HS6ST2: variants seen among roughly 807,000 people sequenced by gnomAD.
HS6ST2 encodes the protein heparan sulfate 6-O-sulfotransferase 2.
Under a neutral mutation model 33.0 loss-of-function variants are expected in HS6ST2, and 17 were observed. The observed-to-expected ratio is 0.52, with a 90% confidence interval of 0.35 to 0.77. HS6ST2 has a LOEUF of 0.77. HS6ST2 is among the 30% of genes least tolerant of loss of function. The pLI, the probability that HS6ST2 is intolerant of heterozygous loss-of-function variation, is 0.01. For missense variants in HS6ST2, 519 were observed against 551.7 expected (o/e 0.94, Z 0.59); for synonymous variants, 248 against 237.1 (o/e 1.05, Z -0.42).
chrX:132,661,404 A>C (rs767839576), intron 4 of HS6ST2, among the ~76,000 whole-genome samples: 1 of 111,508 alleles, frequency 9.0e-6, no homozygotes, highest in East Asian at 2.8e-4. Context: ...GTTATCTATT[A>C]GAAATAATCA....
intron 2 of HS6ST2, among the ~76,000 whole-genome samples, chrX:132,754,594 T>C (rs1174661339): frequency 9.1e-6 from 1 of 109,656 alleles, no homozygotes; most frequent in African/African-American, 3.3e-5. Flanking sequence ...TTTTTTTATA[T>C]TTTTAGTAGA....
At chrX:132,641,476 C>T (rs1375114677) in intron 4 of HS6ST2, among the ~76,000 whole-genome samples, 1 of 112,560 alleles carries the variant, frequency 8.9e-6, no homozygotes, top group Non-Finnish European at 1.9e-5. Flanking sequence ...TGCATTAATT[C>T]GCTTACGTTT....
At chrX:132,705,186 C>CGT (rs780815738) in intron 3 of HS6ST2, among the ~76,000 whole-genome samples, 36,750 of 80,812 alleles carry the variant, frequency 0.45, 4,911 homozygotes, top group Middle Eastern at 0.51. Context: ...GATGTGGGCA[C>CGT]GCGTGTGTGT....
intron 2 of HS6ST2, among the ~76,000 whole-genome samples, chrX:132,853,449 G>A (rs374327821): frequency 2.5e-4 from 27 of 108,926 alleles, no homozygotes; most frequent in Non-Finnish European, 4.8e-4. Flanking sequence ...GTCAGCCACC[G>A]CACCCCACCC....
At chrX:132,929,672 C>T (rs1315862935) in intron 2 of HS6ST2, among the ~76,000 whole-genome samples, 1 of 111,553 alleles carries the variant, frequency 9.0e-6, no homozygotes, top group Non-Finnish European at 1.9e-5. Context: ...CACAGCCATT[C>T]TAAATGTGTG....
chrX:132,837,430 C>T (rs1172044107), intron 2 of HS6ST2, among the ~76,000 whole-genome samples: 1 of 111,088 alleles, frequency 9.0e-6, no homozygotes, highest in Non-Finnish European at 1.9e-5. Flanking sequence ...TCATAAATGG[C>T]CTTGTGACTT....
intron 4 of HS6ST2, among the ~76,000 whole-genome samples, chrX:132,658,243 T>C (rs2063745373): frequency 9.0e-6 from 1 of 111,711 alleles, no homozygotes; most frequent in African/African-American, 3.3e-5. Context: ...AAGCTACTGA[T>C]GAACTCTCCC....
At chrX:132,695,362 G>A (rs1256170299) in intron 3 of HS6ST2, among the ~76,000 whole-genome samples, 1 of 111,860 alleles carries the variant, frequency 8.9e-6, no homozygotes, top group African/African-American at 3.3e-5. Flanking sequence ...AATTTTGATG[G>A]AGTTGCTTTT....
rs1026979152 is a variant in HS6ST2 at position 132,638,233 on chromosome X, G to A, written c.1068-9140C>T. 5.4e-4 allele frequency among the ~76,000 whole-genome samples: 59 copies of A among 108,680 alleles called. 1 individual carries two copies. The highest frequency in any genetic ancestry group is 1.9e-3 in the African/African-American group (58 of 29,868). 94.4% of individuals were successfully genotyped at this position (108,680 alleles called of 115,157 possible). On this transcript the variant is annotated intron_variant, in intron 4 of 4. Transcript: ENST00000370833. Reference sequence around the variant, plus strand: ...CGTTCAAATCAAACAATATTAATATGTGAGCACAAACTAAATAAAAGTATG... The same window carrying A: ...CGTTCAAATCAAACAATATTAATATATGAGCACAAACTAAATAAAAGTATG...
intron 4 of HS6ST2, among the ~76,000 whole-genome samples, chrX:132,637,139 C>CCATCAG (rs1290793479): frequency 3.6e-4 from 40 of 112,334 alleles, no homozygotes; most frequent in South Asian, 1.1e-3. Flanking sequence ...GAGCCCAGAA[C>CCATCAG]CATCAGCATC....
At chrX:132,909,970 T>C (rs1202433263) in intron 2 of HS6ST2, among the ~76,000 whole-genome samples, 2 of 107,806 alleles carry the variant, frequency 1.9e-5, no homozygotes, top group African/African-American at 6.8e-5. Context: ...GCTACAGAGG[T>C]GGAAATAAAT....
At chrX:132,706,380 C>A in intron 3 of HS6ST2, among the ~76,000 whole-genome samples, 1 of 111,921 alleles carries the variant, frequency 8.9e-6, no homozygotes, top group East Asian at 2.8e-4. Context: ...GCATTGATTG[C>A]TAACTGAAAC....
At chrX:132,707,609 A>G (rs2064197251) in intron 3 of HS6ST2, among the ~76,000 whole-genome samples, 1 of 111,905 alleles carries the variant, frequency 8.9e-6, no homozygotes, top group South Asian at 3.8e-4. Context: ...GGTGGATTGT[A>G]GGTGGGTATT....
At chrX:132,719,008 G>T (rs769562548) in intron 2 of HS6ST2, among the ~76,000 whole-genome samples, 1 of 111,582 alleles carries the variant, frequency 9.0e-6, no homozygotes, top group Non-Finnish European at 1.9e-5. Context: ...TTAACCAAGG[G>T]GGGGAAGAAA....
chrX:132,931,993 T>C (rs1478298763), intron 2 of HS6ST2, among the ~76,000 whole-genome samples: 3 of 109,203 alleles, frequency 2.7e-5, no homozygotes, highest in Non-Finnish European at 5.7e-5. Flanking sequence ...GAGACCATCC[T>C]GGCTAACACA....
intron 2 of HS6ST2, among the ~76,000 whole-genome samples, chrX:132,816,788 T>C (rs2065398450): frequency 2.7e-5 from 3 of 111,378 alleles, no homozygotes; most frequent in South Asian, 3.8e-4. Flanking sequence ...CAAAGAGTAA[T>C]GAAGCTTCCG....
At chrX:132,715,277 A>C (rs149465820) in intron 2 of HS6ST2, among the ~76,000 whole-genome samples, 1 of 111,005 alleles carries the variant, frequency 9.0e-6, no homozygotes, top group African/African-American at 3.3e-5. Context: ...TCTACAAAAA[A>C]TACGAAAAAT....
At chrX:132,776,611 C>A (rs1009671666) in intron 2 of HS6ST2, among the ~76,000 whole-genome samples, 2 of 110,817 alleles carry the variant, frequency 1.8e-5, no homozygotes, top group Non-Finnish European at 3.8e-5. Context: ...CCATCCTACA[C>A]ACTACTGGCA....
chrX:132,666,084 G>A (rs998872843), intron 4 of HS6ST2, among the ~76,000 whole-genome samples: 3 of 112,098 alleles, frequency 2.7e-5, no homozygotes, highest in Non-Finnish European at 5.6e-5. Context: ...CAACTCCAAC[G>A]TGTTCTGACC....
Sources: gnomAD v4.1 joint callset for allele counts (sites outside exome capture counted in the v4.1 genomes callset) on GRCh38, gnomAD v4.1.1 for gene constraint, MANE v1.5 for transcripts, NCBI Gene and HGNC (gene_info 2026-07-23, HGNC 2026-07-21) for gene names.